AHCYL2: variants seen among roughly 807,000 people sequenced by gnomAD.
AHCYL2 encodes S-adenosylhomocysteine hydrolase-like protein 2.
AHCYL2 carries 28 observed loss-of-function variants against 81.4 expected under a neutral mutation model. That is an observed-to-expected ratio of 0.34 (90% CI 0.25 to 0.47). The LOEUF (loss-of-function observed/expected upper bound fraction) is 0.47. AHCYL2 is among the 20% of genes least tolerant of loss of function. The pLI is 1.00. For missense variants in AHCYL2, 551 were observed against 785.1 expected, an observed-to-expected ratio of 0.70 and a Z score of 3.56; for synonymous variants, 272 against 290.2, an observed-to-expected ratio of 0.94 and a Z score of 0.64.
chr7:129,313,499 A>G (rs1044622569), intron 1 of AHCYL2, among the ~76,000 whole-genome samples: 6 of 152,194 alleles, frequency 3.9e-5, no homozygotes, highest in Admixed American at 3.3e-4. Flanking sequence ...AGGTGTAGAA[A>G]CAGAGAAAGT....
At chr7:129,403,120 A>C (rs1000639013) in intron 6 of AHCYL2, among the ~76,000 whole-genome samples, 1 of 152,126 alleles carries the variant, frequency 6.6e-6, no homozygotes, top group African/African-American at 2.4e-5. Context: ...ATTTTGATAC[A>C]GTAGATATGT....
At chr7:129,295,693 G>T (rs1479567223) in intron 1 of AHCYL2, among the ~76,000 whole-genome samples, 1 of 152,194 alleles carries the variant, frequency 6.6e-6, no homozygotes, top group Non-Finnish European at 1.5e-5. Flanking sequence ...CCTAATTATT[G>T]TCTTACAGTG....
At chr7:129,355,328 A>G (rs1376101315) in intron 1 of AHCYL2, among the ~76,000 whole-genome samples, 1 of 152,116 alleles carries the variant, frequency 6.6e-6, no homozygotes. Context: ...TTACTGAGAA[A>G]ATGTGTGTTA....
At chr7:129,283,367 T>G (rs1796516322) in intron 1 of AHCYL2, 1 of 455,990 alleles carries the variant, frequency 2.2e-6, no homozygotes, top group Non-Finnish European at 4.4e-6. Flanking sequence ...GTGCAGTGTC[T>G]TTGAAACCAT....
chr7:129,343,862 A>G (rs1420899081), intron 1 of AHCYL2, among the ~76,000 whole-genome samples: 1 of 152,222 alleles, frequency 6.6e-6, no homozygotes, highest in African/African-American at 2.4e-5. Context: ...AAAGGCAAGC[A>G]CAGACTGGGA....
At chr7:129,384,922 AT>A (rs768688788) in intron 2 of AHCYL2, among the ~76,000 whole-genome samples, 6 of 152,234 alleles carry the variant, frequency 3.9e-5, no homozygotes, top group Non-Finnish European at 8.8e-5. Flanking sequence ...CCACGAAACT[AT>A]TTTATAAGAA....
chr7:129,422,090 G>A (rs779486646), intron 12 of AHCYL2, among the ~76,000 whole-genome samples: 3 of 152,204 alleles, frequency 2.0e-5, no homozygotes, highest in East Asian at 3.8e-4. Flanking sequence ...TCTACACCCC[G>A]TGGCTGTTAT....
intron 9 of AHCYL2, 50 bp downstream of exon 9, chr7:129,405,949 A>C (rs1563240154): frequency 6.4e-7 from 1 of 1,564,366 alleles, no homozygotes; most frequent in Admixed American, 1.7e-5. Flanking sequence ...ATTTTGTTGA[A>C]ATATTCTGGA....
intron 1 of AHCYL2, among the ~76,000 whole-genome samples, chr7:129,360,271 C>T (rs867887180): frequency 1.3e-5 from 2 of 152,156 alleles, no homozygotes; most frequent in South Asian, 2.1e-4. Flanking sequence ...CATGTACCAC[C>T]ACGCTCGGCT....
intron 1 of AHCYL2, among the ~76,000 whole-genome samples, chr7:129,291,968 C>T (rs1796883343): frequency 6.6e-6 from 1 of 151,838 alleles, no homozygotes; most frequent in African/African-American, 2.4e-5. Context: ...CTTTATTCCT[C>T]CAAAAAATGA....
chr7:129,329,327 A>G (rs1312302955), intron 1 of AHCYL2, among the ~76,000 whole-genome samples: 2 of 151,992 alleles, frequency 1.3e-5, no homozygotes, highest in African/African-American at 4.8e-5. Context: ...CTACAGGGCA[A>G]GTGCCACCAT....
At chr7:129,322,507 A>G (rs1350707484) in intron 1 of AHCYL2, among the ~76,000 whole-genome samples, 1 of 152,188 alleles carries the variant, frequency 6.6e-6, no homozygotes, top group Non-Finnish European at 1.5e-5. Context: ...TTATAGAGCT[A>G]TTTAGATTTA....
intron 1 of AHCYL2, among the ~76,000 whole-genome samples, chr7:129,242,705 G>A (rs62480595): frequency 0.025 from 3,782 of 148,586 alleles, 69 homozygotes; most frequent in Non-Finnish European, 0.037. Flanking sequence ...GACAGTGTGA[G>A]ACTCTGTCTC....
intron 1 of AHCYL2, among the ~76,000 whole-genome samples, chr7:129,355,504 C>CT (rs1487836383): frequency 6.6e-6 from 1 of 152,274 alleles, no homozygotes; most frequent in East Asian, 1.9e-4. Flanking sequence ...TGTATTTTTC[C>CT]TAGGAGCAGT....
chr7:129,366,480 GAAA>G (rs2150850230), intron 1 of AHCYL2, among the ~76,000 whole-genome samples: 1 of 152,230 alleles, frequency 6.6e-6, no homozygotes, highest in African/African-American at 2.4e-5. Context: ...GGTTAATTTA[GAAA>G]GTATTTTGCC....
intron 4 of AHCYL2, among the ~76,000 whole-genome samples, chr7:129,390,286 A>C (rs1310498133): frequency 6.6e-6 from 1 of 152,234 alleles, no homozygotes; most frequent in Non-Finnish European, 1.5e-5. Context: ...TAAATAACCT[A>C]GAGATGCTTT....
chr7:129,253,188 C>CA (rs1208440512), intron 1 of AHCYL2, among the ~76,000 whole-genome samples: 1 of 151,240 alleles, frequency 6.6e-6, no homozygotes, highest in Non-Finnish European at 1.5e-5. Context: ...GCCTGGCCGA[C>CA]AGAGCAAGAC....
At chr7:129,346,451 C>G (rs1227021306) in intron 1 of AHCYL2, among the ~76,000 whole-genome samples, 1 of 152,002 alleles carries the variant, frequency 6.6e-6, no homozygotes, top group Non-Finnish European at 1.5e-5. Context: ...CACAAACAAC[C>G]TGATTAAAAA....
chr7:129,225,525 C>T, intron 1 of AHCYL2, 86 bp downstream of exon 1: 1 of 1,405,604 alleles, frequency 7.1e-7, no homozygotes, highest in Non-Finnish European at 9.2e-7. Flanking sequence ...CCACCCTCCA[C>T]GCCCTCCTTT....
Sources: gnomAD v4.1 joint callset for allele counts (sites outside exome capture counted in the v4.1 genomes callset) on GRCh38, gnomAD v4.1.1 for gene constraint, MANE v1.5 for transcripts, NCBI Gene and HGNC (gene_info 2026-07-23, HGNC 2026-07-21) for gene names.